TIAM2: variants seen among roughly 807,000 people sequenced by gnomAD.
The protein encoded by TIAM2 is TIAM Rac1 associated GEF 2.
TIAM2 carries 80 observed loss-of-function variants against 152.9 expected under a neutral mutation model. The ratio of observed to expected loss-of-function variants is 0.52; its 90% CI spans 0.44 to 0.63. The LOEUF (loss-of-function observed/expected upper bound fraction) is 0.63. Among genes scored for constraint, TIAM2 ranks in the 30% least tolerant of loss-of-function variants. The pLI, the probability that TIAM2 is intolerant of heterozygous loss-of-function variation, is 0.00. For synonymous variants in TIAM2, 804 were observed against 838.0 expected (o/e 0.96, Z 0.70); for missense variants, 1,965 against 2,120.1 (o/e 0.93, Z 1.44).
chr6:155,052,795 G>C (rs1299308829), intron 1 of TIAM2, among the ~76,000 whole-genome samples: 1 of 148,024 alleles, frequency 6.8e-6, no homozygotes, highest in East Asian at 2.0e-4. Context: ...AAAAAAGAAA[G>C]AAATTGATAG....
At chr6:155,185,123 CTTTTTTTTTTT>C (rs11404301) in intron 14 of TIAM2, among the ~76,000 whole-genome samples, 8 of 92,402 alleles carry the variant, frequency 8.7e-5, no homozygotes, top group African/African-American at 3.1e-4. Context: ...GCAAATTTAC[CTTTTTTTTTTT>C]TTTTTTTTTT....
At chr6:155,097,097 G>T (rs1459732781) in intron 2 of TIAM2, among the ~76,000 whole-genome samples, 1 of 152,186 alleles carries the variant, frequency 6.6e-6, no homozygotes, top group Non-Finnish European at 1.5e-5. Flanking sequence ...TTTCTCTGAT[G>T]ATTAGTGATG....
At chr6:155,227,267 T>G (rs1037711371) in intron 15 of TIAM2, among the ~76,000 whole-genome samples, 6 of 152,228 alleles carry the variant, frequency 3.9e-5, no homozygotes, top group Non-Finnish European at 7.3e-5. Context: ...AGACTAGGCA[T>G]GCGGAATGGC....
At chr6:155,157,616 A>G (rs1780157521) in intron 7 of TIAM2, among the ~76,000 whole-genome samples, 1 of 152,034 alleles carries the variant, frequency 6.6e-6, no homozygotes, top group African/African-American at 2.4e-5. Flanking sequence ...CGAGAAGTAC[A>G]TTTTCCGTAT....
chr6:155,083,348 CAAAAAAAA>C (rs574203207), intron 1 of TIAM2, among the ~76,000 whole-genome samples: 7 of 89,936 alleles, frequency 7.8e-5, no homozygotes, highest in African/African-American at 1.3e-4. Flanking sequence ...GACTTTATCT[CAAAAAAAA>C]AAAAAAAAAA....
intron 1 of TIAM2, among the ~76,000 whole-genome samples, chr6:155,046,331 CTTTTTTTTTT>C (rs1164422319): frequency 7.4e-5 from 6 of 80,786 alleles, no homozygotes; most frequent in African/African-American, 1.6e-4. Context: ...TTGGCTCTGT[CTTTTTTTTTT>C]TTTTTTTTTT....
chr6:155,026,969 C>T (rs1047322741), intron 1 of TIAM2, among the ~76,000 whole-genome samples: 1 of 152,150 alleles, frequency 6.6e-6, no homozygotes, highest in Non-Finnish European at 1.5e-5. Flanking sequence ...TGATATTCTG[C>T]ATGTCCATAT....
intron 16 of TIAM2, among the ~76,000 whole-genome samples, chr6:155,243,229 G>A (rs567426111): frequency 6.6e-6 from 1 of 152,200 alleles, no homozygotes; most frequent in South Asian, 2.1e-4. Context: ...GAGATTCTGT[G>A]AATCAGTCAA....
chr6:155,025,821 AACACACAC>A (rs58173623), intron 1 of TIAM2, among the ~76,000 whole-genome samples: 22,377 of 131,578 alleles, frequency 0.17, 2,164 homozygotes, highest in Non-Finnish European at 0.22. Context: ...CTCCCCCTCA[AACACACAC>A]ACACACACAC....
intron 4 of TIAM2, among the ~76,000 whole-genome samples, chr6:155,132,872 G>T (rs1012728954): frequency 2.6e-5 from 4 of 152,202 alleles, no homozygotes; most frequent in Admixed American, 1.3e-4. Context: ...TTCAGTGACA[G>T]TTCCCACTTG....
At position 155,172,666 on chromosome 6, in the gene TIAM2, ATATATATATATATATATATATTTTTTTT is replaced by A. The variant is rs1434692533; in HGVS notation, c.2362-4148_2362-4121del. ...AATATATATATATATATATATATAT[ATATATATATATATATATATATTTTTTTT>A]TTTTTTTTTTTTTTTTTTCTTTGAT... On this transcript the variant is annotated intron_variant, in intron 9 of 26. Coordinates refer to ENST00000682666, the MANE Select transcript of TIAM2 (RefSeq NM_012454.4). Among the ~76,000 whole-genome samples the A allele has an allele frequency of 1.2e-3, 11 of 9,350 alleles. 1 individual carries two copies. Among genetic ancestry groups the A allele is most frequent in the African/African-American group, 2.4e-3 (10 of 4,210 alleles). The allele number at this position is 9,350 out of a possible 152,430, so 6.1% of individuals were successfully genotyped here.
chr6:155,034,215 C>G (rs116148817), intron 1 of TIAM2, among the ~76,000 whole-genome samples: 7 of 152,000 alleles, frequency 4.6e-5, no homozygotes, highest in Non-Finnish European at 1.5e-5. Context: ...CAATATAACT[C>G]TAGTTGAGAC....
chr6:155,256,934 A>G lies in TIAM2; in HGVS notation c.4919A>G (p.Asn1640Ser), dbSNP rs1224720728. The G allele has an allele frequency of 1.9e-6, 3 of 1,614,082 alleles. No homozygotes were observed. The highest frequency in any genetic ancestry group is 1.7e-6 in the Non-Finnish European group (2 of 1,180,052). Residue 1640 changes from asparagine (N) to serine (S), a missense_variant, in exon 27 of 27, where the codon AAC becomes AGC. Transcript: ENST00000682666. ...TTCTGCCCCATTAAACGAAAAGCCA[A>G]CAGCACCAAGAGGGACAGAGGAACT... ...GHFCPIKRKANSTKRDRGTLL... is the reference protein window; with the variant it reads ...GHFCPIKRKASSTKRDRGTLL...
At chr6:155,145,011 G>A (rs1392967513) in intron 6 of TIAM2, among the ~76,000 whole-genome samples, 2 of 152,150 alleles carry the variant, frequency 1.3e-5, no homozygotes, top group African/African-American at 4.8e-5. Context: ...CCAGGCTGTG[G>A]CCCATGAGAT....
At chr6:155,093,484 G>T (rs1778346889) in intron 2 of TIAM2, among the ~76,000 whole-genome samples, 1 of 152,208 alleles carries the variant, frequency 6.6e-6, no homozygotes, top group Admixed American at 6.5e-5. Flanking sequence ...CGACCTTGAA[G>T]TGTCTGAGCA....
intron 24 of TIAM2, chr6:155,253,578 G>A (rs68042505): frequency 0.082 from 14,281 of 175,164 alleles, 697 homozygotes; most frequent in Non-Finnish European, 0.098. Context: ...TGTCAGAAGT[G>A]CTTATGTTTT....
chr6:155,234,004 G>GT (rs146455214), intron 15 of TIAM2, among the ~76,000 whole-genome samples: 3 of 144,584 alleles, frequency 2.1e-5, no homozygotes, highest in South Asian at 2.2e-4. Context: ...AATTTTTTTT[G>GT]GGGGGGGGTT....
At chr6:155,166,980 T>C (rs1451779602) in intron 9 of TIAM2, among the ~76,000 whole-genome samples, 1 of 152,234 alleles carries the variant, frequency 6.6e-6, no homozygotes, top group Non-Finnish European at 1.5e-5. Context: ...TGGATCTTTG[T>C]TTTCTAATTT....
Position 155,113,690 on chromosome 6 carries a change from A to T in TIAM2, c.-117-13800A>T, listed in dbSNP as rs11961917. On this transcript the variant is annotated intron_variant, in intron 2 of 26. Transcript: ENST00000682666. ...AGTGAGCCGAGATCATGCCACTGCA[A>T]GCCAGCCTGGGCAACAAAGCAAGAC... is the stretch of plus-strand genomic sequence containing the variant. 5.6e-3 allele frequency among the ~76,000 whole-genome samples: 851 copies of T among 152,060 alleles called. 9 individuals carry two copies. The highest frequency in any genetic ancestry group is 0.019 in the African/African-American group (773 of 41,448).
Sources: allele counts gnomAD v4.1 joint callset (sites outside exome capture counted in the v4.1 genomes callset), GRCh38; gene constraint gnomAD v4.1.1; transcripts MANE v1.5; gene names NCBI Gene and HGNC (gene_info 2026-07-23, HGNC 2026-07-21).